The following FGD6 variants were observed in gnomAD, a reference collection of about 807,000 sequenced individuals.
FGD6 encodes FYVE, RhoGEF and PH domain-containing protein 6.
In FGD6, 90 loss-of-function variants were observed where a neutral mutation model predicts 149.4. The ratio of observed to expected loss-of-function variants is 0.60; its 90% confidence interval spans 0.51 to 0.72. The LOEUF is 0.72. Among genes scored for constraint, FGD6 ranks in the 30% least tolerant of loss-of-function variants. The pLI is 0.00. For missense variants in FGD6, 1,437 were observed against 1,684.8 expected, an observed-to-expected ratio of 0.85 and a Z score of 2.57; for synonymous variants, 527 against 584.0, an observed-to-expected ratio of 0.90 and a Z score of 1.41.
Position 95,081,413 on chromosome 12 carries a change from G to T in FGD6, c.*107C>A. 4 of 904,696 alleles carry T rather than the reference G, an allele frequency of 4.4e-6. No individual in the cohort carries two copies. The highest frequency in any genetic ancestry group is 4.7e-6 in the Non-Finnish European group (3 of 633,918). The allele number at this position is 904,696 out of a possible 1,614,324, so 56.0% of individuals were successfully genotyped here. On this transcript the variant is annotated 3_prime_UTR_variant, in exon 21 of 21. Transcript: ENST00000343958. ...ATTTCTTTGATGAAGGGTCTGGTTG[G>T]CTTTATCTTGGCAGTGTTCATTTTT...
intron 2 of FGD6, among the ~76,000 whole-genome samples, chr12:95,194,648 T>C (rs1362914513): frequency 6.6e-6 from 1 of 152,120 alleles, no homozygotes; most frequent in Non-Finnish European, 1.5e-5. Context: ...AAGAGGGGTC[T>C]TGGTGGTGAT....
At chr12:95,111,054 C>T (rs1878806828) in intron 9 of FGD6, among the ~76,000 whole-genome samples, 1 of 152,140 alleles carries the variant, frequency 6.6e-6, no homozygotes, top group Non-Finnish European at 1.5e-5. Context: ...GGGATCTCGG[C>T]TTACTACAAC....
intron 5 of FGD6, among the ~76,000 whole-genome samples, chr12:95,151,577 G>T (rs1177253936): frequency 1.3e-5 from 2 of 152,020 alleles, no homozygotes; most frequent in African/African-American, 2.4e-5. Flanking sequence ...CAGGCCCCTG[G>T]GTTTCTGTTG....
In FGD6 at chr12:95,177,434, C is replaced by G. The variant is rs1039880806; in HGVS notation, c.2442-4690G>C. On this transcript the variant is annotated intron_variant, in intron 2 of 20. Coordinates refer to ENST00000343958, the MANE Select transcript of FGD6 (RefSeq NM_018351.4). Reference sequence around the variant, plus strand: ...AAGGAATGTTTCATGTAATTCCTCCCAAGCTTGAAGAAAGAAGTTCTTTCC... The same window carrying G: ...AAGGAATGTTTCATGTAATTCCTCCGAAGCTTGAAGAAAGAAGTTCTTTCC... 5.9e-5 allele frequency among the ~76,000 whole-genome samples: 9 copies of G among 152,308 alleles called. No homozygotes were observed. The East Asian group carries it at 1.2e-3, about 20-fold the overall frequency.
At position 95,158,376 on chromosome 12, in the gene FGD6, C is replaced by G. The variant is rs372402485; in HGVS notation, c.2587-5383G>C. Among the ~76,000 whole-genome samples the G allele has an allele frequency of 1.6e-4, 24 of 151,084 alleles. No homozygotes were observed. In the East Asian group the frequency reaches 4.3e-3, roughly 27 times the overall value. On this transcript the variant is annotated intron_variant, in intron 3 of 20. Transcript: ENST00000343958. ...ATTTTTAGTAGAGACGGGGTTTCAC[C>G]GTGTTAGCCAGGATGGTCTCGATCT...
intron 2 of FGD6, among the ~76,000 whole-genome samples, chr12:95,186,636 C>A (rs1881445953): frequency 6.6e-6 from 1 of 152,016 alleles, no homozygotes; most frequent in Admixed American, 6.5e-5. Flanking sequence ...TCTGTCACTG[C>A]TTTTGCACTA....
At chr12:95,177,184 A>C (rs940457092) in intron 2 of FGD6, among the ~76,000 whole-genome samples, 3 of 152,210 alleles carry the variant, frequency 2.0e-5, no homozygotes, top group Non-Finnish European at 4.4e-5. Flanking sequence ...TTAGGAACAG[A>C]AAACCTGTAC....
At chr12:95,151,315 T>A (rs1880302649) in intron 5 of FGD6, among the ~76,000 whole-genome samples, 2 of 152,128 alleles carry the variant, frequency 1.3e-5, no homozygotes, top group African/African-American at 4.8e-5. Context: ...CTGTCACCCA[T>A]GTTGGAGTGC....
Position 95,217,343 on chromosome 12 carries a change from C to G in FGD6, c.-103G>C. The stretch of plus-strand genomic sequence containing the variant: ...GGGTAGGAGAGAAAAGCCCCCGCAG[C>G]GCCCACATTCCGTCCCGCCGCCCCG... On this transcript the variant is annotated 5_prime_UTR_variant, in exon 1 of 21. Coordinates refer to ENST00000343958, the MANE Select transcript of FGD6 (RefSeq NM_018351.4). The G allele has an allele frequency of 1.4e-6, 2 of 1,407,760 alleles. No individual in the cohort carries two copies. Among genetic ancestry groups the G allele is most frequent in the Non-Finnish European group, 1.9e-6 (2 of 1,063,668 alleles). The allele number at this position is 1,407,760 out of a possible 1,614,324, so 87.2% of individuals were successfully genotyped here.
In FGD6 at chr12:95,091,821, T is replaced by C. The variant is rs772470429; in HGVS notation, c.3748-12A>G. 6 of 1,578,768 alleles carry C rather than the reference T, an allele frequency of 3.8e-6. No individual in the cohort carries two copies. The highest frequency in any genetic ancestry group is 5.2e-6 in the Non-Finnish European group (6 of 1,151,442). On this transcript the variant is annotated splice_polypyrimidine_tract_variant and intron_variant, in intron 16 of 20. Coordinates refer to ENST00000343958, the MANE Select transcript of FGD6 (RefSeq NM_018351.4). Reference sequence around the variant, plus strand: ...GCTTGGCATACAATCTGAAAACACATTGGAATTATGTCATTAATTTCATTA... The same window carrying C: ...GCTTGGCATACAATCTGAAAACACACTGGAATTATGTCATTAATTTCATTA...
chr12:95,192,443 C>A (rs1393994696), intron 2 of FGD6, among the ~76,000 whole-genome samples: 1 of 152,150 alleles, frequency 6.6e-6, no homozygotes, highest in East Asian at 1.9e-4. Context: ...AGGCAATATG[C>A]TAGAGAAGGG....
chr12:95,170,380 C>T (rs1880956594), intron 3 of FGD6, among the ~76,000 whole-genome samples: 4 of 152,072 alleles, frequency 2.6e-5, no homozygotes, highest in Admixed American at 2.0e-4. Flanking sequence ...GTGGCTCATG[C>T]CTGTAGTGTT....
chr12:95,216,990 C>T (rs1173522624), intron 1 of FGD6, among the ~76,000 whole-genome samples: 1 of 152,264 alleles, frequency 6.6e-6, no homozygotes, highest in Non-Finnish European at 1.5e-5. Flanking sequence ...GCCCCCAGCA[C>T]AGTCCCCCTT....
Position 95,152,980 on chromosome 12 carries a change from C to G in FGD6, c.2600G>C (p.Gly867Ala). The change falls in exon 4 of 21, where the codon GGA becomes GCA. Residue 867 changes from glycine to alanine, a missense_variant. Coordinates refer to ENST00000343958, the MANE Select transcript of FGD6 (RefSeq NM_018351.4). ...PLEDKQDEDNGMKSKVHHIAK... is the reference protein window; with the variant it reads ...PLEDKQDEDNAMKSKVHHIAK... Reference sequence around the variant, plus strand: ...AATATGATGAACTTTACTTTTCATTCCATTATCTTCATCCTGTGGATAAGA... The same window carrying G: ...AATATGATGAACTTTACTTTTCATTGCATTATCTTCATCCTGTGGATAAGA... The G allele has an allele frequency of 1.2e-6, 2 of 1,613,846 alleles. No individual in the cohort carries two copies. Among genetic ancestry groups the G allele is most frequent in the Non-Finnish European group, 1.7e-6 (2 of 1,179,856 alleles).
At chr12:95,116,612 C>T (rs1003005631) in intron 8 of FGD6, among the ~76,000 whole-genome samples, 3 of 152,144 alleles carry the variant, frequency 2.0e-5, no homozygotes, top group South Asian at 2.1e-4. Flanking sequence ...AGTTGAAATA[C>T]ACTGAGCAGA....
At chr12:95,181,228 C>T (rs1427098986) in intron 2 of FGD6, among the ~76,000 whole-genome samples, 1 of 152,202 alleles carries the variant, frequency 6.6e-6, no homozygotes, top group African/African-American at 2.4e-5. Flanking sequence ...AACCACACAA[C>T]TTGTTGACTA....
intron 3 of FGD6, among the ~76,000 whole-genome samples, chr12:95,161,075 G>C (rs1245197419): frequency 6.6e-6 from 1 of 150,986 alleles, no homozygotes; most frequent in East Asian, 2.0e-4. Flanking sequence ...AGCTACTTGG[G>C]AGGCTGAGAC....
At chr12:95,083,012 A>AAAATTTATATAT (rs68032073) in intron 20 of FGD6, among the ~76,000 whole-genome samples, 1 of 20,038 alleles carries the variant, frequency 5.0e-5, no homozygotes, top group Non-Finnish European at 8.3e-5. Flanking sequence ...AAAAAAAAAA[A>AAAATTTATATAT]ATATATATAT....
At chr12:95,164,148 C>T (rs1330151514) in intron 3 of FGD6, among the ~76,000 whole-genome samples, 1 of 151,678 alleles carries the variant, frequency 6.6e-6, no homozygotes, top group Non-Finnish European at 1.5e-5. Context: ...ATAAGTCAAA[C>T]AAATTCCAAA....
Sources: allele counts gnomAD v4.1 joint callset (sites outside exome capture counted in the v4.1 genomes callset), GRCh38; gene constraint gnomAD v4.1.1; transcripts MANE v1.5; gene names NCBI Gene and HGNC (gene_info 2026-07-23, HGNC 2026-07-21).